ZNF385D: variants seen among roughly 807,000 people sequenced by gnomAD.
The protein encoded by ZNF385D is zinc finger protein 385D.
In ZNF385D, 15 loss-of-function variants were observed where a neutral mutation model predicts 35.8. That is an observed-to-expected ratio of 0.42 (90% CI 0.28 to 0.64). The LOEUF (loss-of-function observed/expected upper bound fraction) is 0.64, where lower values mean the gene tolerates loss of function less well. ZNF385D is among the 30% of genes least tolerant of loss of function. ZNF385D has a pLI of 0.23. For missense variants in ZNF385D, 474 were observed against 494.6 expected, an observed-to-expected ratio of 0.96 and a Z score of 0.39; for synonymous variants, 212 against 186.8, an observed-to-expected ratio of 1.13 and a Z score of -1.10.
chr3:21,784,733 T>C (rs906728411), intron 3 of ZNF385D, among the ~76,000 whole-genome samples: 7 of 152,018 alleles, frequency 4.6e-5, no homozygotes, highest in African/African-American at 1.7e-4. Flanking sequence ...TAAAAAGTCA[T>C]AATTAATGCA....
At chr3:21,774,686 G>C (rs570361942) in intron 3 of ZNF385D, among the ~76,000 whole-genome samples, 1 of 151,808 alleles carries the variant, frequency 6.6e-6, no homozygotes, top group Non-Finnish European at 1.5e-5. Context: ...GATAAATGAT[G>C]ATGGGCTGTG....
At chr3:21,450,562 G>T (rs1702398400) in intron 4 of ZNF385D, among the ~76,000 whole-genome samples, 2 of 152,124 alleles carry the variant, frequency 1.3e-5, no homozygotes, top group South Asian at 4.1e-4. Context: ...TGAACTGTAT[G>T]ATTTGGTTCA....
chr3:21,859,032 C>T (rs1456168678), intron 3 of ZNF385D, among the ~76,000 whole-genome samples: 1 of 151,758 alleles, frequency 6.6e-6, no homozygotes, highest in Non-Finnish European at 1.5e-5. Context: ...ATACATATAA[C>T]GGGGGGAAGT....
chr3:21,851,326 G>A (rs1393861242), intron 3 of ZNF385D, among the ~76,000 whole-genome samples: 3 of 152,088 alleles, frequency 2.0e-5, no homozygotes, highest in Non-Finnish European at 4.4e-5. Context: ...TTGCTAGTAA[G>A]AGTGTGAAAG....
At chr3:21,951,298 C>T (rs1220219062) in intron 3 of ZNF385D, among the ~76,000 whole-genome samples, 1 of 151,500 alleles carries the variant, frequency 6.6e-6, no homozygotes, top group African/African-American at 2.4e-5. Context: ...GTTTTATTCT[C>T]TTTGTAGCAA....
chr3:22,020,779 C>A (rs955929273), intron 3 of ZNF385D, among the ~76,000 whole-genome samples: 2 of 151,810 alleles, frequency 1.3e-5, no homozygotes, highest in Admixed American at 1.3e-4. Context: ...TACTGGGTAT[C>A]TACTGAAAGG....
chr3:22,296,863 C>T (rs1702612011), intron 2 of ZNF385D, among the ~76,000 whole-genome samples: 2 of 152,134 alleles, frequency 1.3e-5, no homozygotes, highest in South Asian at 4.1e-4. Context: ...AGGCCAGCAA[C>T]TGGCATGGTG....
chr3:22,032,545 A>G (rs1319603210), intron 3 of ZNF385D, among the ~76,000 whole-genome samples: 1 of 152,172 alleles, frequency 6.6e-6, no homozygotes, highest in Non-Finnish European at 1.5e-5. Context: ...GTAGGGACAC[A>G]GGGCCAAACC....
intron 2 of ZNF385D, among the ~76,000 whole-genome samples, chr3:22,320,829 G>A (rs1254758184): frequency 6.6e-6 from 1 of 151,448 alleles, no homozygotes; most frequent in East Asian, 1.9e-4. Flanking sequence ...GATTTTATAA[G>A]TGTTCAACAT....
chr3:22,332,519 G>A (rs1430306033), intron 2 of ZNF385D, among the ~76,000 whole-genome samples: 1 of 152,124 alleles, frequency 6.6e-6, no homozygotes, highest in South Asian at 2.1e-4. Context: ...AATATAAACA[G>A]GTTTGTATTA....
intron 2 of ZNF385D, among the ~76,000 whole-genome samples, chr3:22,291,318 A>C (rs925178525): frequency 6.6e-6 from 1 of 152,152 alleles, no homozygotes; most frequent in African/African-American, 2.4e-5. Context: ...GTGTTGTTCA[A>C]CATTTAACCA....
intron 1 of ZNF385D, among the ~76,000 whole-genome samples, chr3:21,748,432 T>TG (rs2069888649): frequency 4.5e-5 from 1 of 22,248 alleles, no homozygotes; most frequent in Non-Finnish European, 1.1e-4. Flanking sequence ...GGGGTGGGGG[T>TG]GGGGGGCAAC....
chr3:21,880,871 GA>G (rs1204169854), intron 3 of ZNF385D, among the ~76,000 whole-genome samples: 1 of 151,908 alleles, frequency 6.6e-6, no homozygotes, highest in Non-Finnish European at 1.5e-5. Context: ...TTGCTGATAC[GA>G]AGAAAGTTTT....
At chr3:21,882,013 A>T (rs1698301444) in intron 3 of ZNF385D, among the ~76,000 whole-genome samples, 1 of 152,040 alleles carries the variant, frequency 6.6e-6, no homozygotes, top group South Asian at 2.1e-4. Context: ...GTGAGCAAAG[A>T]AAGTGGTTTC....
Position 22,224,327 on chromosome 3 carries a change from C to G in ZNF385D, c.107-55292G>C, listed in dbSNP as rs535765963. 2.6e-5 allele frequency among the ~76,000 whole-genome samples: 4 copies of G among 152,266 alleles called. No homozygotes were observed. In the East Asian group the frequency reaches 7.7e-4, roughly 29 times the overall value. ...GTGTAATCAACATGCTACTTACCAG[C>G]TTAGTGTGCCTCATAGATGTATTTT... On this transcript the variant is annotated intron_variant, in intron 2 of 5. Coordinates refer to the ZNF385D transcript ENST00000494108.
chr3:21,422,536 CA>C (rs888127923), intron 7 of ZNF385D, among the ~76,000 whole-genome samples: 1 of 151,800 alleles, frequency 6.6e-6, no homozygotes, highest in Non-Finnish European at 1.5e-5. Context: ...AGAGACAAAA[CA>C]AAAAAACAAA....
intron 2 of ZNF385D, among the ~76,000 whole-genome samples, chr3:22,243,011 G>C (rs1699580027): frequency 6.6e-6 from 1 of 150,846 alleles, no homozygotes; most frequent in South Asian, 2.2e-4. Flanking sequence ...AAAAGCAAAA[G>C]CAACAAAATA....
At chr3:22,037,427 C>T (rs983978765) in intron 3 of ZNF385D, among the ~76,000 whole-genome samples, 2 of 151,938 alleles carry the variant, frequency 1.3e-5, no homozygotes, top group Non-Finnish European at 2.9e-5. Flanking sequence ...GATGGTATCT[C>T]ATTGTGGTTT....
At chr3:22,264,491 TAC>T (rs1450826704) in intron 2 of ZNF385D, among the ~76,000 whole-genome samples, 1 of 152,026 alleles carries the variant, frequency 6.6e-6, no homozygotes, top group Admixed American at 6.6e-5. Context: ...TAGCAGACAA[TAC>T]AGTGTGACCA....
Sources: allele counts gnomAD v4.1 joint callset (sites outside exome capture counted in the v4.1 genomes callset), GRCh38; gene constraint gnomAD v4.1.1; transcripts MANE v1.5; gene names NCBI Gene and HGNC (gene_info 2026-07-23, HGNC 2026-07-21).